The following LIMCH1 variants were observed in gnomAD, a reference collection of about 807,000 sequenced individuals.
LIMCH1 encodes the protein LIM and calponin homology domains-containing protein 1.
LIMCH1 carries 113 observed loss-of-function variants against 176.5 expected under a neutral mutation model. The observed-to-expected ratio is 0.64, with a 90% CI of 0.55 to 0.75. The LOEUF (loss-of-function observed/expected upper bound fraction) is 0.75. LIMCH1 is among the 30% of genes least tolerant of loss of function. The pLI, the probability that LIMCH1 is intolerant of heterozygous loss-of-function variation, is 0.00. For missense variants in LIMCH1, 1,674 were observed against 1,814.9 expected (o/e 0.92, Z 1.41); for synonymous variants, 619 against 645.9 (o/e 0.96, Z 0.63).
At position 41,681,051 on chromosome 4, in the gene LIMCH1, G is replaced by C. The variant is rs754515014; in HGVS notation, c.3709G>C (p.Gly1237Arg). 1.2e-6 allele frequency: 2 copies of C among 1,601,002 alleles called. No individual in the cohort carries two copies. The highest frequency in any genetic ancestry group is 2.7e-5 in the African/African-American group (2 of 74,508). Residue 1237 changes from glycine (G) to arginine (R), a missense_variant, in exon 25 of 32, where the codon GGG becomes CGG. By Grantham distance (125) the Gly-to-Arg change is moderately radical. Transcript: ENST00000503057. ...CTCTTCCTCCATGACTGAAGGCAGT[G>C]GGACAATGGTGAGACCACAGATTAA... ...STSSSMTEGS[G>R]TMNKIDLGNC...
chr4:41,575,423 G>A (rs79229325), intron 1 of LIMCH1, among the ~76,000 whole-genome samples: 1,907 of 152,266 alleles, frequency 0.013, 37 homozygotes, highest in African/African-American at 0.044. Context: ...GATTCATTCA[G>A]GGGTGTATTC....
At chr4:41,525,558 C>T (rs902145284) in intron 3 of LIMCH1, among the ~76,000 whole-genome samples, 7 of 152,098 alleles carry the variant, frequency 4.6e-5, no homozygotes, top group Non-Finnish European at 1.0e-4. Flanking sequence ...ACTGCTATTT[C>T]TGTGGATGCA....
chr4:41,548,711 C>T (rs901973728), intron 1 of LIMCH1, among the ~76,000 whole-genome samples: 4 of 152,170 alleles, frequency 2.6e-5, no homozygotes, highest in African/African-American at 7.2e-5. Flanking sequence ...TTGCCAGTGG[C>T]TGCTCTCACC....
chr4:41,697,370 G>GTTTT lies in LIMCH1; in HGVS notation c.*198_*201dup. On this transcript the variant is annotated 3_prime_UTR_variant, in exon 32 of 32. Transcript: ENST00000503057. ...TATGTTTTTCCTGTTTATTGTTTTG[G>GTTTT]TTTTTTTTTTTTTTTTGCATTTGCA... 8 of 451,742 alleles carry GTTTT rather than the reference G, an allele frequency of 1.8e-5. No homozygotes were observed. The highest frequency in any genetic ancestry group is 5.9e-4 in the Middle Eastern group (1 of 1,706). The allele number at this position is 451,742 out of a possible 1,614,324, so 28.0% of individuals were successfully genotyped here. A position where few individuals can be genotyped will look rare whatever the true frequency, so the allele number is the denominator to read the frequency against.
intron 19 of LIMCH1, chr4:41,661,816 G>C (rs113749170): frequency 0.12 from 46,724 of 388,094 alleles, 3,573 homozygotes; most frequent in Middle Eastern, 0.23. Flanking sequence ...TAAAAATTGA[G>C]GGTAGGATTT....
intron 13 of LIMCH1, among the ~76,000 whole-genome samples, chr4:41,635,690 T>C (rs2093552410): frequency 6.6e-6 from 1 of 152,246 alleles, no homozygotes; most frequent in Non-Finnish European, 1.5e-5. Flanking sequence ...CAAGTGTTTA[T>C]CAAGTAATAA....
chr4:41,571,788 G>A (rs1391882827), intron 1 of LIMCH1, among the ~76,000 whole-genome samples: 1 of 152,154 alleles, frequency 6.6e-6, no homozygotes, highest in African/African-American at 2.4e-5. Flanking sequence ...GAGTGGTGTG[G>A]TGCCTGGCCT....
At chr4:41,606,079 A>G in intron 4 of LIMCH1, 75 bp downstream of exon 4, 2 of 1,000,890 alleles carry the variant, frequency 2.0e-6, no homozygotes, top group Non-Finnish European at 3.1e-6. Flanking sequence ...TGTTTTTAAG[A>G]TTACTAGAGT....
rs374752697 is a variant in LIMCH1, at chr4:41,600,434, C to T, written c.-134+1408C>T. Among the ~76,000 whole-genome samples, 4 of 152,302 alleles carry T rather than the reference C, an allele frequency of 2.6e-5. No individual in the cohort carries two copies. In the East Asian group the frequency reaches 7.7e-4, roughly 29 times the overall value. ...CAGCTTCGTAGGTAATAATTAGTCA[C>T]ACACACATTGCTTGGAGGGTGAAGG... On this transcript the variant is annotated intron_variant, in intron 2 of 31. Coordinates refer to ENST00000503057, the MANE Select transcript of LIMCH1 (RefSeq NM_001330672.2).
intron 30 of LIMCH1, 160 bp downstream of exon 30, chr4:41,689,795 A>G: frequency 1.9e-6 from 1 of 535,578 alleles, no homozygotes. Flanking sequence ...CTCACCTATC[A>G]CGAATCCCTC....
chr4:41,449,431 T>C (rs886768753), intron 1 of LIMCH1, among the ~76,000 whole-genome samples: 2 of 152,240 alleles, frequency 1.3e-5, no homozygotes, highest in Non-Finnish European at 2.9e-5. Flanking sequence ...GCTATACCTG[T>C]TTATTGTAAC....
At chr4:41,570,791 C>G (rs1352869952) in intron 1 of LIMCH1, among the ~76,000 whole-genome samples, 1 of 151,962 alleles carries the variant, frequency 6.6e-6, no homozygotes, top group Non-Finnish European at 1.5e-5. Flanking sequence ...TGGGGTGTGA[C>G]TTGGAGAAAC....
intron 1 of LIMCH1, among the ~76,000 whole-genome samples, chr4:41,378,684 A>G (rs1228096874): frequency 6.6e-6 from 1 of 152,214 alleles, no homozygotes. Context: ...GATGATGGCA[A>G]CATCAGTGGG....
chr4:41,493,009 C>G (rs1323579599), intron 1 of LIMCH1, among the ~76,000 whole-genome samples: 2 of 151,914 alleles, frequency 1.3e-5, no homozygotes, highest in Admixed American at 1.3e-4. Flanking sequence ...GTTAATCCAG[C>G]TTTCTTTTGA....
At chr4:41,501,659 C>T (rs916861980) in intron 2 of LIMCH1, among the ~76,000 whole-genome samples, 1 of 151,938 alleles carries the variant, frequency 6.6e-6, no homozygotes, top group Non-Finnish European at 1.5e-5. Context: ...TATTTTGTCT[C>T]TAAAGTATAA....
At chr4:41,487,777 C>G (rs2069933963) in intron 1 of LIMCH1, among the ~76,000 whole-genome samples, 1 of 150,894 alleles carries the variant, frequency 6.6e-6, no homozygotes, top group Admixed American at 6.6e-5. Flanking sequence ...TCCTGCCTCC[C>G]TAGTAGCTGG....
chr4:41,417,084 A>G (rs749710829), intron 1 of LIMCH1, among the ~76,000 whole-genome samples: 2 of 133,964 alleles, frequency 1.5e-5, no homozygotes, highest in African/African-American at 3.0e-5. Context: ...TCTGTGCTAT[A>G]GGCATTGCTT....
intron 1 of LIMCH1, among the ~76,000 whole-genome samples, chr4:41,579,725 T>C (rs1427483327): frequency 6.6e-6 from 1 of 152,232 alleles, no homozygotes; most frequent in Non-Finnish European, 1.5e-5. Context: ...CTCAGTGTTT[T>C]AAGGAATTTA....
At chr4:41,584,586 G>T (rs1000789515) in intron 1 of LIMCH1, among the ~76,000 whole-genome samples, 10 of 152,158 alleles carry the variant, frequency 6.6e-5, no homozygotes, top group African/African-American at 1.9e-4. Context: ...CAAGTGGGGA[G>T]TATTTTATGT....
Sources: allele counts gnomAD v4.1 joint callset (sites outside exome capture counted in the v4.1 genomes callset), GRCh38; gene constraint gnomAD v4.1.1; transcripts MANE v1.5; gene names NCBI Gene and HGNC (gene_info 2026-07-23, HGNC 2026-07-21).